Variants in EBF1 observed in about 807,000 individuals in gnomAD.
EBF1 encodes the protein EBF transcription factor 1, also known as transcription factor COE1.
Under a neutral mutation model 68.4 loss-of-function variants are expected in EBF1, and 10 were observed. The ratio of observed to expected loss-of-function variants is 0.15; its 90% CI spans 0.09 to 0.25. The LOEUF (loss-of-function observed/expected upper bound fraction) is 0.25. Ranked by LOEUF, EBF1 falls within the 10% of genes least tolerant of loss-of-function variation. EBF1 has a pLI of 1.00. For synonymous variants in EBF1, 298 were observed against 299.8 expected (o/e 0.99, Z 0.06); for missense variants, 509 against 794.4 (o/e 0.64, Z 4.32).
chr5:158,988,307 T>C (rs539646529), intron 6 of EBF1, among the ~76,000 whole-genome samples: 1 of 151,772 alleles, frequency 6.6e-6, no homozygotes, highest in African/African-American at 2.4e-5. Context: ...TTAGGGAAAC[T>C]GATAACCATG....
At chr5:158,700,661 CA>C (rs570930241) in intron 15 of EBF1, among the ~76,000 whole-genome samples, 147 of 149,040 alleles carry the variant, frequency 9.9e-4, no homozygotes, top group Middle Eastern at 3.5e-3. Flanking sequence ...AAATGAAACC[CA>C]AAAAGTATTT....
At chr5:158,711,219 A>G (rs1759193689) in intron 14 of EBF1, among the ~76,000 whole-genome samples, 1 of 152,236 alleles carries the variant, frequency 6.6e-6, no homozygotes, top group African/African-American at 2.4e-5. Context: ...AGCATTAAAA[A>G]ATAAAGGAGT....
chr5:158,940,412 A>T (rs1812986565), intron 6 of EBF1, among the ~76,000 whole-genome samples: 1 of 152,210 alleles, frequency 6.6e-6, no homozygotes, highest in South Asian at 2.1e-4. Context: ...TAGGCCACTT[A>T]AATACATCCT....
chr5:158,823,431 A>G, intron 7 of EBF1, 114 bp from the exon 8 acceptor site: 2 of 966,666 alleles, frequency 2.1e-6, no homozygotes, highest in East Asian at 5.3e-5. Flanking sequence ...TAGCTATTTC[A>G]CATAATAACT....
chr5:158,796,141 A>G (rs1779577235), intron 9 of EBF1, among the ~76,000 whole-genome samples: 1 of 152,176 alleles, frequency 6.6e-6, no homozygotes, highest in Non-Finnish European at 1.5e-5. Flanking sequence ...CTTATGGGCC[A>G]AAGAAAGGAA....
At chr5:159,034,863 T>C (rs1769705003) in intron 6 of EBF1, among the ~76,000 whole-genome samples, 1 of 152,212 alleles carries the variant, frequency 6.6e-6, no homozygotes, top group Non-Finnish European at 1.5e-5. Context: ...TGCTGCCTGA[T>C]GCTTCCTGCC....
chr5:158,737,066 C>T (rs1341585550), intron 10 of EBF1, among the ~76,000 whole-genome samples: 2 of 152,068 alleles, frequency 1.3e-5, no homozygotes, highest in African/African-American at 4.8e-5. Flanking sequence ...CTCCTGCTTT[C>T]CCGTGAAATG....
chr5:158,855,873 C>A (rs2128012020), intron 6 of EBF1, among the ~76,000 whole-genome samples: 1 of 152,332 alleles, frequency 6.6e-6, no homozygotes, highest in Admixed American at 6.5e-5. Context: ...TGAAACGAGA[C>A]CATGGTGGGA....
chr5:158,773,115 G>T (rs1173489032), intron 10 of EBF1, among the ~76,000 whole-genome samples: 2 of 152,066 alleles, frequency 1.3e-5, no homozygotes, highest in African/African-American at 4.8e-5. Context: ...AAAGAAAAGA[G>T]AGAGGAAGGC....
chr5:158,929,732 G>T (rs912989606), intron 6 of EBF1, among the ~76,000 whole-genome samples: 1 of 152,196 alleles, frequency 6.6e-6, no homozygotes, highest in African/African-American at 2.4e-5. Context: ...CTTTTTAAAT[G>T]ATCAATAAGT....
chr5:159,029,915 C>T (rs1402426643), intron 6 of EBF1, among the ~76,000 whole-genome samples: 1 of 151,238 alleles, frequency 6.6e-6, no homozygotes, highest in Non-Finnish European at 1.5e-5. Context: ...CAAGATCACA[C>T]CATTGCACTC....
intron 9 of EBF1, among the ~76,000 whole-genome samples, chr5:158,782,925 A>G (rs1776703747): frequency 6.6e-6 from 1 of 152,138 alleles, no homozygotes; most frequent in African/African-American, 2.4e-5. Context: ...CTCAGATCTC[A>G]ATATGAGCTT....
Position 158,719,718 on chromosome 5 carries a change from G to A in EBF1, c.1126-5536C>T, listed in dbSNP as rs1161932781. On this transcript the variant is annotated intron_variant, in intron 11 of 15. Transcript: ENST00000313708. ...CTTTCTTTTGTTCATAGCACATATA[G>A]GCTGATGATCATAAAGCTGATAGAT... 2.0e-5 allele frequency among the ~76,000 whole-genome samples: 3 copies of A among 152,090 alleles called. 1 individual carries two copies. The highest frequency in any genetic ancestry group is 7.2e-5 in the African/African-American group (3 of 41,418).
At chr5:158,748,978 G>C (rs1345023269) in intron 10 of EBF1, among the ~76,000 whole-genome samples, 2 of 152,128 alleles carry the variant, frequency 1.3e-5, no homozygotes, top group African/African-American at 4.8e-5. Context: ...TGTCTCTCCA[G>C]AGCAGAAAAA....
At chr5:158,957,595 A>T (rs929489290) in intron 6 of EBF1, among the ~76,000 whole-genome samples, 1 of 152,208 alleles carries the variant, frequency 6.6e-6, no homozygotes, top group African/African-American at 2.4e-5. Context: ...TGCCACTACC[A>T]TTTCAAAGCT....
intron 10 of EBF1, among the ~76,000 whole-genome samples, chr5:158,769,162 A>G (rs949675423): frequency 3.9e-5 from 6 of 152,154 alleles, no homozygotes; most frequent in African/African-American, 1.4e-4. Context: ...GCTTCTTCCT[A>G]CTGTACGGTT....
At chr5:158,940,716 C>T (rs1050298508) in intron 6 of EBF1, among the ~76,000 whole-genome samples, 3 of 138,574 alleles carry the variant, frequency 2.2e-5, no homozygotes, top group Admixed American at 8.1e-5. Context: ...ATAAAACAGG[C>T]TCTTTCCACA....
At chr5:158,974,636 C>T (rs1354923078) in intron 6 of EBF1, among the ~76,000 whole-genome samples, 2 of 152,108 alleles carry the variant, frequency 1.3e-5, no homozygotes, top group East Asian at 1.9e-4. Flanking sequence ...ATATTTAGAA[C>T]ATTTTTTAAA....
intron 7 of EBF1, among the ~76,000 whole-genome samples, chr5:158,835,209 TC>T (rs747153790): frequency 2.0e-4 from 31 of 152,326 alleles, no homozygotes; most frequent in Admixed American, 5.2e-4. Context: ...CTTGGTTCGG[TC>T]CTAAGACTTG....
Sources: allele counts gnomAD v4.1 joint callset (sites outside exome capture counted in the v4.1 genomes callset), GRCh38; gene constraint gnomAD v4.1.1; transcripts MANE v1.5; gene names NCBI Gene and HGNC (gene_info 2026-07-23, HGNC 2026-07-21).